Variants in ZNF236 observed in about 807,000 individuals in gnomAD.
ZNF236 encodes zinc finger protein 236.
ZNF236 carries 50 observed loss-of-function variants against 191.2 expected under a neutral mutation model. That is an observed-to-expected ratio of 0.26 (90% CI 0.21 to 0.33). The LOEUF (loss-of-function observed/expected upper bound fraction) is 0.33. Ranked by LOEUF, ZNF236 falls within the 10% of genes least tolerant of loss-of-function variation. The probability of loss-of-function intolerance (pLI) is 1.00; values close to 1 mark genes in which losing one functional copy is unlikely to be tolerated. For missense variants in ZNF236, 1,754 were observed against 2,374.5 expected (o/e 0.74, Z 5.43); for synonymous variants, 907 against 928.8 (o/e 0.98, Z 0.43).
chr18:76,907,638 C>T (rs952871567), intron 13 of ZNF236, among the ~76,000 whole-genome samples: 1 of 151,622 alleles, frequency 6.6e-6, no homozygotes, highest in African/African-American at 2.4e-5. Context: ...GGCTCTTTGT[C>T]TTAGATATTC....
chr18:76,922,936 T>C (rs1181973159), intron 20 of ZNF236, 135 bp from the exon 21 acceptor site: 1 of 645,642 alleles, frequency 1.5e-6, no homozygotes, highest in East Asian at 2.8e-5. Context: ...ATTTTTTGTA[T>C]GGAGTGAAGC....
chr18:76,861,571 A>G (rs1391751223), intron 3 of ZNF236, among the ~76,000 whole-genome samples: 1 of 152,240 alleles, frequency 6.6e-6, no homozygotes, highest in African/African-American at 2.4e-5. Flanking sequence ...CTGTATGTCA[A>G]AATAATACAT....
At chr18:76,959,191 C>CGAAT (rs1968599238) in intron 28 of ZNF236, among the ~76,000 whole-genome samples, 2 of 152,052 alleles carry the variant, frequency 1.3e-5, no homozygotes, top group Non-Finnish European at 2.9e-5. Context: ...ATGGGCATTC[C>CGAAT]GTGAGGACTT....
chr18:76,894,710 G>A (rs1977349308), intron 9 of ZNF236, among the ~76,000 whole-genome samples: 1 of 151,976 alleles, frequency 6.6e-6, no homozygotes, highest in Non-Finnish European at 1.5e-5. Flanking sequence ...GAGGTCATTC[G>A]ATCCCATCTG....
Position 76,846,944 on chromosome 18 carries a change from G to A in ZNF236, c.56-2582G>A, listed in dbSNP as rs978111135. Reference sequence around the variant, plus strand: ...CTTGTAGCTGGGATTACAGGCGTGCGCCATCAAGCCCGGCTAATTTTTGTA... The same window carrying A: ...CTTGTAGCTGGGATTACAGGCGTGCACCATCAAGCCCGGCTAATTTTTGTA... On this transcript the variant is annotated intron_variant, in intron 1 of 30. Coordinates refer to ENST00000320610, the MANE Select transcript of ZNF236 (RefSeq NM_001306089.2). Among the ~76,000 whole-genome samples, 9 of 151,878 alleles carry A rather than the reference G, an allele frequency of 5.9e-5. No homozygotes were observed. In the South Asian group the frequency reaches 8.3e-4, roughly 14 times the overall value.
rs551243726 is a variant in ZNF236 at position 76,915,622 on chromosome 18, G to GT, written c.3062-19dup. ...TAGTGAAATAGGATTGGTTCCAGCCGTTTTTTCTGTTTCTGTGCTTGCAGG... is the reference window on the plus strand; with the variant it reads ...TAGTGAAATAGGATTGGTTCCAGCCGTTTTTTTCTGTTTCTGTGCTTGCAGG... On this transcript the variant is annotated intron_variant, in intron 18 of 30. Coordinates refer to ENST00000320610, the MANE Select transcript of ZNF236 (RefSeq NM_001306089.2). 8.4e-4 allele frequency: 1,361 copies of GT among 1,611,400 alleles called. 14 individuals are homozygous for GT. The African/African-American group carries it at 0.017, about 20-fold the overall frequency.
chr18:76,959,476 G>A (rs1380691419), intron 28 of ZNF236, among the ~76,000 whole-genome samples: 1 of 152,262 alleles, frequency 6.6e-6, no homozygotes, highest in Non-Finnish European at 1.5e-5. Context: ...GTAAAGCTCA[G>A]ATGGGGACCG....
At chr18:76,826,671 C>T (rs1267504407) in intron 1 of ZNF236, among the ~76,000 whole-genome samples, 3 of 150,644 alleles carry the variant, frequency 2.0e-5, no homozygotes, top group East Asian at 2.1e-4. Context: ...TGGTGGCTGG[C>T]GCCTGTAGTC....
intron 3 of ZNF236, among the ~76,000 whole-genome samples, chr18:76,864,280 A>G (rs1599343984): frequency 6.7e-6 from 1 of 150,220 alleles, no homozygotes; most frequent in African/African-American, 2.5e-5. Context: ...GCTCACTGCA[A>G]CCTCCGTCTC....
chr18:76,874,095 G>A (rs901765447), intron 5 of ZNF236, among the ~76,000 whole-genome samples: 1 of 133,796 alleles, frequency 7.5e-6, no homozygotes, highest in Non-Finnish European at 1.6e-5. Context: ...CCTCCTGCCC[G>A]CCTGTCCTCC....
At chr18:76,869,904 C>T (rs556959317) in intron 4 of ZNF236, among the ~76,000 whole-genome samples, 8 of 152,176 alleles carry the variant, frequency 5.3e-5, no homozygotes, top group East Asian at 1.9e-4. Flanking sequence ...TGCAGTGAGC[C>T]GAGATCGTGC....
chr18:76,851,979 G>A (rs191844936), intron 3 of ZNF236, 40 bp downstream of exon 3: 1 of 1,547,750 alleles, frequency 6.5e-7, no homozygotes, highest in East Asian at 2.3e-5. Context: ...TTAACTGATT[G>A]TTAAAATACA....
chr18:76,865,153 A>G (rs1387843300), intron 3 of ZNF236, among the ~76,000 whole-genome samples: 1 of 152,204 alleles, frequency 6.6e-6, no homozygotes, highest in Non-Finnish European at 1.5e-5. Context: ...CCTGGCCAAC[A>G]TGGTGAAGCC....
At chr18:76,865,646 G>A (rs537509148) in intron 3 of ZNF236, among the ~76,000 whole-genome samples, 1 of 152,326 alleles carries the variant, frequency 6.6e-6, no homozygotes, top group African/African-American at 2.4e-5. Flanking sequence ...GCACCCAGCA[G>A]TTTGTTGGGT....
intron 2 of ZNF236, among the ~76,000 whole-genome samples, chr18:76,850,693 C>G (rs141160755): frequency 6.6e-6 from 1 of 152,044 alleles, no homozygotes; most frequent in African/African-American, 2.4e-5. Flanking sequence ...ACCTCCTTCT[C>G]CCAGGTTCAA....
chr18:76,883,415 A>G (rs1435486257), intron 9 of ZNF236, among the ~76,000 whole-genome samples: 1 of 148,470 alleles, frequency 6.7e-6, no homozygotes, highest in Non-Finnish European at 1.5e-5. Context: ...GGTGATGAGA[A>G]AACCATTGGG....
chr18:76,871,616 A>G lies in ZNF236; in HGVS notation c.543-85A>G. The G allele has an allele frequency of 2.5e-6, 4 of 1,573,886 alleles. No homozygotes were observed. The Middle Eastern group carries it at 5.1e-4, about 200-fold the overall frequency. On this transcript the variant is annotated intron_variant, in intron 4 of 30. Coordinates refer to ENST00000320610, the MANE Select transcript of ZNF236 (RefSeq NM_001306089.2). ...AACAGGTTCTGATGACTAGTCAGCC[A>G]AATTTTCTGGTAGGATTTTCATTTT...
intron 25 of ZNF236, among the ~76,000 whole-genome samples, chr18:76,935,400 A>G (rs1327092212): frequency 6.6e-6 from 1 of 152,216 alleles, no homozygotes; most frequent in Admixed American, 6.5e-5. Context: ...ACTTTAATCA[A>G]ACACAAGCCT....
chr18:76,836,319 C>T (rs1036710155), intron 1 of ZNF236, among the ~76,000 whole-genome samples: 9 of 151,908 alleles, frequency 5.9e-5, no homozygotes, highest in Non-Finnish European at 1.3e-4. Flanking sequence ...CCCCCGGGCG[C>T]AAGTGATTCT....
Sources: allele counts gnomAD v4.1 joint callset (sites outside exome capture counted in the v4.1 genomes callset), GRCh38; gene constraint gnomAD v4.1.1; transcripts MANE v1.5; gene names NCBI Gene and HGNC (gene_info 2026-07-23, HGNC 2026-07-21).